The following GRHL2 variants were observed in gnomAD, a reference collection of about 807,000 sequenced individuals.
GRHL2 encodes the protein grainyhead like transcription factor 2, also known as grainyhead-like protein 2 homolog.
GRHL2 carries 21 observed loss-of-function variants against 83.8 expected under a neutral mutation model. That is an observed-to-expected ratio of 0.25 (90% CI 0.18 to 0.36). The LOEUF (loss-of-function observed/expected upper bound fraction) is 0.36. GRHL2 is among the 10% of genes least tolerant of loss of function. The probability of loss-of-function intolerance (pLI) is 1.00; values close to 1 mark genes in which losing one functional copy is unlikely to be tolerated. For synonymous variants in GRHL2, 280 were observed against 278.9 expected, an observed-to-expected ratio of 1.00 and a Z score of -0.04; for missense variants, 623 against 781.8, an observed-to-expected ratio of 0.80 and a Z score of 2.42.
intron 1 of GRHL2, among the ~76,000 whole-genome samples, chr8:101,532,163 T>C (rs1356251397): frequency 1.3e-5 from 2 of 152,218 alleles, no homozygotes; most frequent in Admixed American, 1.3e-4. Context: ...CAACTAGCAG[T>C]CAAACAATCA....
At chr8:101,499,223 T>C (rs1382947980) in intron 1 of GRHL2, among the ~76,000 whole-genome samples, 3 of 152,210 alleles carry the variant, frequency 2.0e-5, no homozygotes, top group Non-Finnish European at 2.9e-5. Flanking sequence ...TTAAATTTAC[T>C]TTTTAAAAAG....
At position 101,589,842 on chromosome 8, in the gene GRHL2, G is replaced by C. The variant is rs556104650; in HGVS notation, c.1004-9215G>C. Among the ~76,000 whole-genome samples, 22 of 152,230 alleles carry C rather than the reference G, an allele frequency of 1.4e-4. No homozygotes were observed. In the South Asian group the frequency reaches 3.1e-3, roughly 22 times the overall value. On this transcript the variant is annotated intron_variant, in intron 7 of 15. Coordinates refer to ENST00000646743, the MANE Select transcript of GRHL2 (RefSeq NM_024915.4). Reference sequence around the variant, plus strand: ...TCATAATTTCAGTTGTTATTGTCCTGGATTATGTATGGAAAGGTGCTCATC... The same window carrying C: ...TCATAATTTCAGTTGTTATTGTCCTCGATTATGTATGGAAAGGTGCTCATC...
At position 101,550,310 on chromosome 8, in the gene GRHL2, G is replaced by A. The variant is rs183099231; in HGVS notation, c.217-2405G>A. The stretch of plus-strand genomic sequence containing the variant: ...CGACTGTGCCCAGCACCCAGGTAGT[G>A]GGCATAGGACCCAAAAGATAGTTTT... On this transcript the variant is annotated intron_variant, in intron 2 of 15. Coordinates refer to ENST00000646743, the MANE Select transcript of GRHL2 (RefSeq NM_024915.4). 1.8e-4 allele frequency among the ~76,000 whole-genome samples: 28 copies of A among 152,010 alleles called. 1 individual carries two copies. The highest frequency in any genetic ancestry group is 5.6e-4 in the African/African-American group (23 of 41,372).
chr8:101,666,406 T>A (rs1814058536), intron 15 of GRHL2, among the ~76,000 whole-genome samples, 183 bp from the exon 16 acceptor site: 1 of 152,132 alleles, frequency 6.6e-6, no homozygotes, highest in East Asian at 1.9e-4. Context: ...TTCCTCAAAC[T>A]AGTTTTTGGG....
intron 7 of GRHL2, among the ~76,000 whole-genome samples, chr8:101,579,620 T>G (rs1215431448): frequency 6.6e-6 from 1 of 152,162 alleles, no homozygotes; most frequent in African/African-American, 2.4e-5. Context: ...CAACCTGACA[T>G]CTGCTCACAT....
intron 7 of GRHL2, among the ~76,000 whole-genome samples, chr8:101,579,062 A>T (rs971968599): frequency 6.6e-6 from 1 of 152,194 alleles, no homozygotes; most frequent in Non-Finnish European, 1.5e-5. Flanking sequence ...AAGAGCCGGG[A>T]TAAGATCTGT....
intron 1 of GRHL2, among the ~76,000 whole-genome samples, chr8:101,538,939 TTTCCACTGA>T (rs533725439): frequency 4.5e-4 from 68 of 152,348 alleles, no homozygotes; most frequent in African/African-American, 1.4e-3. Flanking sequence ...CAAAATACTT[TTTCCACTGA>T]TCACGTAAGG....
chr8:101,644,779 A>G (rs1813475373), intron 13 of GRHL2, among the ~76,000 whole-genome samples: 1 of 152,088 alleles, frequency 6.6e-6, no homozygotes, highest in Non-Finnish European at 1.5e-5. Context: ...GTGTGGGTGC[A>G]CATTCCCCTC....
chr8:101,637,567 T>G (rs1382981704), intron 12 of GRHL2, among the ~76,000 whole-genome samples: 1 of 152,214 alleles, frequency 6.6e-6, no homozygotes, highest in African/African-American at 2.4e-5. Flanking sequence ...TAATTCAGTT[T>G]GTAGACTCAG....
intron 12 of GRHL2, among the ~76,000 whole-genome samples, chr8:101,640,738 A>C (rs1241217183): frequency 6.6e-6 from 1 of 152,094 alleles, no homozygotes; most frequent in Non-Finnish European, 1.5e-5. Flanking sequence ...TCTACACTGC[A>C]TTTGGGGCAG....
intron 8 of GRHL2, among the ~76,000 whole-genome samples, chr8:101,618,933 C>T (rs971133701): frequency 6.6e-6 from 1 of 151,810 alleles, no homozygotes; most frequent in East Asian, 1.9e-4. Context: ...AGTGTTTTAC[C>T]CAGGCCACTT....
intron 8 of GRHL2, among the ~76,000 whole-genome samples, chr8:101,602,373 T>C (rs1306463550): frequency 6.6e-6 from 1 of 152,228 alleles, no homozygotes; most frequent in African/African-American, 2.4e-5. Flanking sequence ...TGCATTCAAA[T>C]TCCCGTTGGT....
intron 2 of GRHL2, among the ~76,000 whole-genome samples, chr8:101,551,623 A>AAAAG (rs534207443): frequency 1.8e-3 from 270 of 151,330 alleles, no homozygotes; most frequent in South Asian, 0.017. Context: ...AGAGCAAAAA[A>AAAAG]AAAGAAAGAA....
intron 9 of GRHL2, among the ~76,000 whole-genome samples, chr8:101,620,815 G>C (rs1035046963): frequency 1.3e-5 from 2 of 152,052 alleles, no homozygotes; most frequent in Non-Finnish European, 2.9e-5. Flanking sequence ...CAGATCTAGT[G>C]GATTCTAATT....
intron 3 of GRHL2, among the ~76,000 whole-genome samples, chr8:101,556,197 TCCAC>T (rs1387292832): frequency 1.3e-5 from 2 of 152,122 alleles, no homozygotes; most frequent in Non-Finnish European, 2.9e-5. Flanking sequence ...CCTCAGGTGA[TCCAC>T]CCACCTCGGC....
At chr8:101,630,652 G>A (rs1300317230) in intron 9 of GRHL2, among the ~76,000 whole-genome samples, 1 of 152,204 alleles carries the variant, frequency 6.6e-6, no homozygotes, top group Admixed American at 6.5e-5. Context: ...GGCAAGAACT[G>A]TAAATGTGAA....
chr8:101,590,172 T>C (rs1216749584), intron 7 of GRHL2, among the ~76,000 whole-genome samples: 1 of 152,170 alleles, frequency 6.6e-6, no homozygotes, highest in African/African-American at 2.4e-5. Flanking sequence ...CCTCTAAAAA[T>C]CAGCTCTAGT....
intron 14 of GRHL2, among the ~76,000 whole-genome samples, chr8:101,650,560 A>C (rs1436512598): frequency 6.6e-6 from 1 of 152,152 alleles, no homozygotes; most frequent in African/African-American, 2.4e-5. Flanking sequence ...CAGATTCAAA[A>C]AGCCACATGT....
Position 101,573,755 on chromosome 8 carries a change from G to T in GRHL2, c.822G>T (p.Gln274His), listed in dbSNP as rs1563587304. 13 of 1,614,184 alleles carry T rather than the reference G, an allele frequency of 8.1e-6. No individual in the cohort carries two copies. The highest frequency in any genetic ancestry group is 9.3e-6 in the Non-Finnish European group (11 of 1,180,032). The part of the protein sequence containing the change: ...EGPMTYLNKG[Q>H]FYAITLSETG... The stretch of plus-strand genomic sequence containing the variant: ...CCATGACCTACCTCAACAAAGGACA[G>T]TTCTATGCCATAACACTCAGCGAGA... The change falls in exon 6 of 16, where the codon CAG (glutamine) becomes CAT (histidine). Residue 274 changes from glutamine to histidine, a missense_variant. This residue lies in a region of GRHL2 where 96 missense variants were observed against 144.8 expected (regional missense o/e 0.66). Transcript: ENST00000646743.
Sources: allele counts gnomAD v4.1 joint callset (sites outside exome capture counted in the v4.1 genomes callset), GRCh38; gene constraint gnomAD v4.1.1; regional missense constraint gnomAD v4.1.1; transcripts MANE v1.5; gene names NCBI Gene and HGNC (gene_info 2026-07-23, HGNC 2026-07-21).